Variants in SLC1A2 observed in about 807,000 individuals in gnomAD.
SLC1A2 encodes the protein excitatory amino acid transporter 2.
A neutral mutation model predicts 48.8 loss-of-function variants in SLC1A2; 15 were observed. The ratio of observed to expected loss-of-function variants is 0.31; its 90% CI spans 0.21 to 0.47. The LOEUF is 0.47. Among genes scored for constraint, SLC1A2 ranks in the 20% least tolerant of loss-of-function variants. The pLI is 0.99. For synonymous variants in SLC1A2, 279 were observed against 272.6 expected (o/e 1.02, Z -0.23); for missense variants, 502 against 730.5 (o/e 0.69, Z 3.61).
At chr11:35,304,860 T>C (rs1851457644) in intron 5 of SLC1A2, among the ~76,000 whole-genome samples, 1 of 152,214 alleles carries the variant, frequency 6.6e-6, no homozygotes, top group African/African-American at 2.4e-5. Context: ...TGACTTACAC[T>C]AAAAAACTAT....
At chr11:35,331,434 G>C (rs546168647) in intron 1 of SLC1A2, among the ~76,000 whole-genome samples, 1 of 152,296 alleles carries the variant, frequency 6.6e-6, no homozygotes, top group East Asian at 1.9e-4. Flanking sequence ...AGTCCAGTCA[G>C]TTTACTGACT....
In SLC1A2 at chr11:35,319,825, C is replaced by A. The variant is rs909571360; in HGVS notation, c.18-2309G>T. Among the ~76,000 whole-genome samples, 6 of 152,214 alleles carry A rather than the reference C, an allele frequency of 3.9e-5. No homozygotes were observed. In the South Asian group the frequency reaches 1.0e-3, roughly 26 times the overall value. On this transcript the variant is annotated intron_variant, in intron 1 of 10. Coordinates refer to ENST00000278379, the MANE Select transcript of SLC1A2 (RefSeq NM_004171.4). ...ACATCAAAGTGGCTACATCAAAATA[C>A]TATAAACCCACAAATATTTATTGAG...
intron 1 of SLC1A2, among the ~76,000 whole-genome samples, chr11:35,417,029 C>T (rs887709275): frequency 3.0e-4 from 46 of 152,194 alleles, no homozygotes; most frequent in Non-Finnish European, 6.0e-4. Context: ...AAGACCAGGG[C>T]TTCTGAGAAT....
chr11:35,413,494 A>T (rs1389713361), intron 1 of SLC1A2, among the ~76,000 whole-genome samples: 1 of 152,186 alleles, frequency 6.6e-6, no homozygotes, highest in African/African-American at 2.4e-5. Context: ...GGATATAATC[A>T]CTCAATAAAT....
Position 35,271,761 on chromosome 11 carries a change from T to G in SLC1A2, c.1422-6003A>C, listed in dbSNP as rs1400447832. 3.3e-5 allele frequency among the ~76,000 whole-genome samples: 5 copies of G among 152,250 alleles called. No individual in the cohort carries two copies. The East Asian group carries it at 9.7e-4, about 29-fold the overall frequency. On this transcript the variant is annotated intron_variant, in intron 9 of 10. Transcript: ENST00000278379. ...TGGAGGCTGAGGTGGGAGAATCGCTTGGGCCTGAGAGACGAAGGTTGCAGT... is the reference window on the plus strand; with the variant it reads ...TGGAGGCTGAGGTGGGAGAATCGCTGGGGCCTGAGAGACGAAGGTTGCAGT...
intron 1 of SLC1A2, among the ~76,000 whole-genome samples, chr11:35,373,177 G>C (rs1025842356): frequency 6.6e-6 from 1 of 152,220 alleles, no homozygotes; most frequent in African/African-American, 2.4e-5. Context: ...AAGCCTGGAG[G>C]AGCAGGGCCC....
At chr11:35,415,985 C>T (rs551674122) in intron 1 of SLC1A2, among the ~76,000 whole-genome samples, 1 of 152,282 alleles carries the variant, frequency 6.6e-6, no homozygotes, top group African/African-American at 2.4e-5. Flanking sequence ...AAGCCATCTC[C>T]GTAATTCTAG....
In SLC1A2 at chr11:35,306,177, G is replaced by T. The variant is rs552433198; in HGVS notation, c.627C>A (p.Ser209Arg). 4 of 1,613,886 alleles carry T rather than the reference G, an allele frequency of 2.5e-6. No individual in the cohort carries two copies. The highest frequency in any genetic ancestry group is 2.5e-6 in the Non-Finnish European group (3 of 1,179,864). The change falls in exon 5 of 11, where the codon AGC becomes AGA. Residue 209 changes from serine to arginine, a missense_variant. Physicochemically the swap from Ser to Arg is moderately radical, Grantham distance 110 (BLOSUM62 -1). Around this residue, in one of 4 missense-constraint regions of SLC1A2, gnomAD observed 309 missense variants for 480.3 expected, o/e 0.64. Coordinates refer to ENST00000278379, the MANE Select transcript of SLC1A2 (RefSeq NM_004171.4). ...PPPDEEANAT[S>R]AVVSLLNETV... ...TCTCGTTCAACAGAGAGACAACAGC[G>T]CTGGTTGCGTTGGCCTCCTCGTCCG...
intron 1 of SLC1A2, among the ~76,000 whole-genome samples, chr11:35,400,504 T>C (rs1855101498): frequency 6.6e-6 from 1 of 152,200 alleles, no homozygotes; most frequent in Non-Finnish European, 1.5e-5. Context: ...GTTAGTGAGA[T>C]AAGTATTGTG....
intron 2 of SLC1A2, chr11:35,317,066 T>C (rs1851905068): frequency 3.4e-6 from 1 of 295,996 alleles, no homozygotes. Context: ...TTTGCTAATA[T>C]GTAGATTGCA....
chr11:35,323,928 T>C (rs12276739), intron 1 of SLC1A2, among the ~76,000 whole-genome samples: 3,970 of 152,286 alleles, frequency 0.026, 157 homozygotes, highest in East Asian at 0.1. Flanking sequence ...ATTTCTAACA[T>C]GGGCAGGTCA....
intron 6 of SLC1A2, 58 bp downstream of exon 6, chr11:35,301,461 C>G: frequency 1.3e-6 from 2 of 1,581,710 alleles, no homozygotes; most frequent in South Asian, 2.3e-5. Context: ...CCAGTATCCT[C>G]TGGGGACCCC....
chr11:35,311,546 T>C (rs1424906632), intron 4 of SLC1A2, among the ~76,000 whole-genome samples: 1 of 152,180 alleles, frequency 6.6e-6, no homozygotes, highest in African/African-American at 2.4e-5. Context: ...TCAACATAAG[T>C]AGCTCTAGAG....
rs748305450 is a variant in SLC1A2 at position 35,286,868 on chromosome 11, A to T, written c.1175T>A (p.Val392Asp). The change falls in exon 8 of 11, where the codon GTT (valine) becomes GAT (aspartate). Residue 392 changes from valine to aspartate, a missense_variant. Transcript: ENST00000278379. ...ACCATCCATGTTAATGGTTGCTCCAACAGGAAGGACGAATCTAGTCACACG... is the reference window on the plus strand; with the variant it reads ...ACCATCCATGTTAATGGTTGCTCCATCAGGAAGGACGAATCTAGTCACACG... ...DKRVTRFVLPVGATINMDGTA... is the reference protein window; with the variant it reads ...DKRVTRFVLPDGATINMDGTA... The T allele has an allele frequency of 6.2e-7, 1 of 1,614,082 alleles. No individual in the cohort carries two copies. The highest frequency in any genetic ancestry group is 8.5e-7 in the Non-Finnish European group (1 of 1,179,932).
chr11:35,317,152 T>C (rs770835567), intron 2 of SLC1A2: 4 of 514,664 alleles, frequency 7.8e-6, no homozygotes, highest in Non-Finnish European at 1.0e-5. Context: ...TCACAAGATA[T>C]TTATTTGCAA....
intron 1 of SLC1A2, among the ~76,000 whole-genome samples, chr11:35,396,392 CAT>C (rs1388352431): frequency 1.5e-5 from 2 of 131,516 alleles, no homozygotes; most frequent in East Asian, 4.3e-4. Flanking sequence ...GATGGTATCT[CAT>C]AGTGGTTTTG....
intron 10 of SLC1A2, among the ~76,000 whole-genome samples, chr11:35,263,178 C>G (rs770844912): frequency 6.6e-6 from 1 of 152,078 alleles, no homozygotes; most frequent in Non-Finnish European, 1.5e-5. Flanking sequence ...AAAAACGAAG[C>G]AAATTGGCCA....
At chr11:35,300,393 G>A (rs904811140) in intron 6 of SLC1A2, among the ~76,000 whole-genome samples, 1 of 152,204 alleles carries the variant, frequency 6.6e-6, no homozygotes, top group Non-Finnish European at 1.5e-5. Flanking sequence ...TAATTCCCAG[G>A]GCAGTGGTGT....
At chr11:35,373,620 G>A (rs977396545) in intron 1 of SLC1A2, among the ~76,000 whole-genome samples, 8 of 152,254 alleles carry the variant, frequency 5.3e-5, no homozygotes, top group Admixed American at 3.3e-4. Flanking sequence ...GGAGAGGGCT[G>A]CAGGCTGTGC....
Sources: allele counts gnomAD v4.1 joint callset (sites outside exome capture counted in the v4.1 genomes callset), GRCh38; gene constraint gnomAD v4.1.1; regional missense constraint gnomAD v4.1.1; transcripts MANE v1.5; gene names NCBI Gene and HGNC (gene_info 2026-07-23, HGNC 2026-07-21).